Variants in SPEF2 observed in about 807,000 individuals in gnomAD.
SPEF2 encodes sperm flagellar and cilia associated 2, also known as sperm flagella and cilia-associated protein 2.
SPEF2 carries 187 observed loss-of-function variants against 224.6 expected under a neutral mutation model. The ratio of observed to expected loss-of-function variants is 0.83; its 90% CI spans 0.74 to 0.94. SPEF2 has a LOEUF of 0.94. SPEF2 is among the 40% of genes least tolerant of loss of function. SPEF2 has a pLI of 0.00. For missense variants in SPEF2, 2,170 were observed against 2,135.6 expected (o/e 1.02, Z -0.32); for synonymous variants, 715 against 707.3 (o/e 1.01, Z -0.17).
At chr5:35,686,837 T>C (rs998975810) in intron 10 of SPEF2, among the ~76,000 whole-genome samples, 1 of 152,156 alleles carries the variant, frequency 6.6e-6, no homozygotes, top group Non-Finnish European at 1.5e-5. Flanking sequence ...TTTTATGCAC[T>C]AAAATCCTTA....
chr5:35,738,357 C>T lies in SPEF2; in HGVS notation c.3064-1562C>T, dbSNP rs530299709. On this transcript the variant is annotated intron_variant, in intron 21 of 36. Transcript: ENST00000356031. ...TTTTTATGGTTTTAGGTCTAACATT[C>T]AAGTCTTTAATCCATCTTGAATTAA... is the stretch of plus-strand genomic sequence containing the variant. 2.0e-3 allele frequency among the ~76,000 whole-genome samples: 300 copies of T among 151,666 alleles called. 2 individuals are homozygous for T. Among genetic ancestry groups the T allele is most frequent in the African/African-American group, 7.1e-3 (294 of 41,388 alleles).
chr5:35,696,604 A>G (rs1033849592), intron 14 of SPEF2, among the ~76,000 whole-genome samples: 3 of 152,212 alleles, frequency 2.0e-5, no homozygotes, highest in Non-Finnish European at 2.9e-5. Context: ...CTGTTTTAAT[A>G]ACTTGGATAT....
intron 1 of SPEF2, among the ~76,000 whole-genome samples, chr5:35,624,141 C>A (rs958330386): frequency 6.6e-6 from 1 of 152,158 alleles, no homozygotes; most frequent in African/African-American, 2.4e-5. Context: ...GCACATAGAT[C>A]ATTTCACCTG....
At chr5:35,797,759 T>G (rs1219518025) in intron 33 of SPEF2, among the ~76,000 whole-genome samples, 1 of 152,194 alleles carries the variant, frequency 6.6e-6, no homozygotes, top group African/African-American at 2.4e-5. Context: ...GTTTACTTAT[T>G]TGGCTGTAAT....
chr5:35,797,614 G>A (rs987962621), intron 33 of SPEF2, among the ~76,000 whole-genome samples: 5 of 152,058 alleles, frequency 3.3e-5, no homozygotes, highest in Admixed American at 1.3e-4. Context: ...TTGGAACAGC[G>A]ATTGGCACAT....
chr5:35,696,807 G>A (rs1025550658), intron 14 of SPEF2, among the ~76,000 whole-genome samples: 1 of 152,110 alleles, frequency 6.6e-6, no homozygotes, highest in Non-Finnish European at 1.5e-5. Flanking sequence ...AGGCACAGTT[G>A]GTCACCTTAT....
chr5:35,706,480 A>G (rs1044648352), intron 18 of SPEF2, among the ~76,000 whole-genome samples: 1 of 152,076 alleles, frequency 6.6e-6, no homozygotes, highest in Non-Finnish European at 1.5e-5. Context: ...CTTCAGTCCA[A>G]TATCATATTT....
chr5:35,775,599 C>G (rs1753503805), intron 28 of SPEF2, among the ~76,000 whole-genome samples: 1 of 151,954 alleles, frequency 6.6e-6, no homozygotes, highest in Admixed American at 6.6e-5. Context: ...AAATTATGAG[C>G]AGTAAAGTGA....
intron 29 of SPEF2, among the ~76,000 whole-genome samples, chr5:35,777,907 A>G (rs1451038748): frequency 6.6e-6 from 1 of 152,026 alleles, no homozygotes; most frequent in African/African-American, 2.4e-5. Context: ...TTGGGTCTCA[A>G]TCCACATTTG....
At chr5:35,733,291 T>C (rs1745971396) in intron 21 of SPEF2, among the ~76,000 whole-genome samples, 2 of 152,054 alleles carry the variant, frequency 1.3e-5, no homozygotes, top group Admixed American at 6.6e-5. Context: ...GTTTTTTGTA[T>C]TTTTAGTAGA....
At chr5:35,666,924 A>T in intron 8 of SPEF2, 148 bp from the exon 9 acceptor site, 1 of 658,692 alleles carries the variant, frequency 1.5e-6, no homozygotes, top group East Asian at 2.8e-5. Context: ...TAATGTATTA[A>T]GAAAAAAGTG....
chr5:35,698,786 A>G (rs755713064), intron 15 of SPEF2: 1 of 152,242 alleles, frequency 6.6e-6, no homozygotes, highest in Admixed American at 6.5e-5. Flanking sequence ...GTATAGCCCC[A>G]GCCAAAGTCC....
At chr5:35,662,116 A>T (rs1749826636) in intron 8 of SPEF2, among the ~76,000 whole-genome samples, 1 of 152,188 alleles carries the variant, frequency 6.6e-6, no homozygotes, top group Non-Finnish European at 1.5e-5. Context: ...GGTAATAGTC[A>T]TTCTGACTGG....
At chr5:35,704,393 T>C (rs565620351) in intron 16 of SPEF2, among the ~76,000 whole-genome samples, 161 bp from the exon 17 acceptor site, 1 of 152,290 alleles carries the variant, frequency 6.6e-6, no homozygotes, top group South Asian at 2.1e-4. Context: ...CGAATTCTTA[T>C]CTCAAAACTA....
At chr5:35,681,197 C>T (rs1456068557) in intron 10 of SPEF2, among the ~76,000 whole-genome samples, 1 of 152,062 alleles carries the variant, frequency 6.6e-6, no homozygotes, top group Non-Finnish European at 1.5e-5. Flanking sequence ...TTTAGAGATT[C>T]ACATTATAAA....
intron 21 of SPEF2, among the ~76,000 whole-genome samples, chr5:35,731,955 GC>G: frequency 6.6e-6 from 1 of 152,216 alleles, no homozygotes. Flanking sequence ...CTAGATGCAG[GC>G]AAATGCCTAA....
At chr5:35,788,649 G>A (rs1374795698) in intron 30 of SPEF2, 1 of 702,858 alleles carries the variant, frequency 1.4e-6, no homozygotes, top group African/African-American at 1.7e-5. Flanking sequence ...AGCCAAGACT[G>A]GGCAAAGAAG....
chr5:35,734,535 A>G (rs1467967688), intron 21 of SPEF2, among the ~76,000 whole-genome samples: 1 of 152,138 alleles, frequency 6.6e-6, no homozygotes, highest in African/African-American at 2.4e-5. Context: ...CAAAGCTGTC[A>G]TGGGCTGCCT....
chr5:35,644,847 C>T (rs556081962), intron 4 of SPEF2, among the ~76,000 whole-genome samples: 1 of 152,282 alleles, frequency 6.6e-6, no homozygotes, highest in East Asian at 1.9e-4. Context: ...TTAGCTACCC[C>T]ATTGGTCAAA....
Sources: gnomAD v4.1 joint callset for allele counts (sites outside exome capture counted in the v4.1 genomes callset) on GRCh38, gnomAD v4.1.1 for gene constraint, MANE v1.5 for transcripts, NCBI Gene and HGNC (gene_info 2026-07-23, HGNC 2026-07-21) for gene names.